The following CA3 variants were observed in gnomAD, a reference collection of about 807,000 sequenced individuals.
CA3 encodes CA-III.
CA3 carries 30 observed loss-of-function variants against 35.7 expected under a neutral mutation model. That is an observed-to-expected ratio of 0.84 (90% CI 0.63 to 1.14). The LOEUF (loss-of-function observed/expected upper bound fraction) is 1.14. Among genes scored for constraint, CA3 ranks in the 50% most tolerant of loss-of-function variants. CA3 has a pLI of 0.00. For synonymous variants in CA3, 131 were observed against 130.8 expected (o/e 1.00, Z -0.01); for missense variants, 295 against 328.5 (o/e 0.90, Z 0.79).
At chr8:85,447,918 A>G in intron 6 of CA3, 116 bp from the exon 7 acceptor site, 1 of 997,898 alleles carries the variant, frequency 1.0e-6, no homozygotes, top group Non-Finnish European at 1.4e-6. Context: ...CAAACAAACA[A>G]ACAAACAAAA....
At chr8:85,441,012 G>T (rs535911398) in intron 2 of CA3, among the ~76,000 whole-genome samples, 1 of 152,208 alleles carries the variant, frequency 6.6e-6, no homozygotes, top group East Asian at 1.9e-4. Context: ...TAATAAATTG[G>T]ACTCACATGT....
At chr8:85,440,525 G>T (rs916122874) in intron 2 of CA3, among the ~76,000 whole-genome samples, 2 of 152,130 alleles carry the variant, frequency 1.3e-5, no homozygotes, top group African/African-American at 4.8e-5. Flanking sequence ...GACAGCGACT[G>T]AAAAATACAT....
intron 1 of CA3, among the ~76,000 whole-genome samples, 163 bp downstream of exon 1, chr8:85,439,106 CT>C (rs1313606291): frequency 1.3e-5 from 2 of 152,358 alleles, no homozygotes; most frequent in African/African-American, 4.8e-5. Flanking sequence ...GCTGCTGCTT[CT>C]TTTTTTCCTT....
At chr8:85,444,336 C>G (rs969955115) in intron 4 of CA3, among the ~76,000 whole-genome samples, 28 of 151,920 alleles carry the variant, frequency 1.8e-4, no homozygotes, top group African/African-American at 5.8e-4. Flanking sequence ...TCCAGGACCC[C>G]TAGCACTTCT....
At chr8:85,439,027 G>C in intron 1 of CA3, 84 bp downstream of exon 1, 1 of 1,355,250 alleles carries the variant, frequency 7.4e-7, no homozygotes, top group Non-Finnish European at 1.0e-6. Context: ...GGCAACTTTA[G>C]AGACTGCAGT....
chr8:85,442,163 C>T lies in CA3; in HGVS notation c.323C>T (p.Thr108Ile). 4 of 1,602,856 alleles carry T rather than the reference C, an allele frequency of 2.5e-6. No individual in the cohort carries two copies. Among genetic ancestry groups the T allele is most frequent in the Non-Finnish European group, 3.4e-6 (4 of 1,169,770 alleles). ...TCGGATGATCATGGCTCTGAGCACA[C>T]CGTGGATGGAGTCAAGTATGCAGCG... ...GSSDDHGSEH[T>I]VDGVKYAAEL... Residue 108 changes from threonine (T) to isoleucine (I), a missense_variant, in exon 3 of 7, where the codon ACC becomes ATC. Transcript: ENST00000285381.
At chr8:85,444,937 G>A (rs1463998084) in intron 4 of CA3, among the ~76,000 whole-genome samples, 1 of 152,174 alleles carries the variant, frequency 6.6e-6, no homozygotes, top group Non-Finnish European at 1.5e-5. Flanking sequence ...GTGTAATTTT[G>A]TGGTCCTGTA....
intron 4 of CA3, among the ~76,000 whole-genome samples, chr8:85,444,552 G>A (rs1472606404): frequency 6.6e-6 from 1 of 152,142 alleles, no homozygotes; most frequent in African/African-American, 2.4e-5. Flanking sequence ...ACATCCCCTC[G>A]GCTTGAGGTG....
chr8:85,442,555 A>G (rs1174382390), intron 3 of CA3: 1 of 187,924 alleles, frequency 5.3e-6, no homozygotes, highest in African/African-American at 2.4e-5. Context: ...TCTACAAAAA[A>G]TACAAAAATT....
chr8:85,448,238 C>G lies in CA3; in HGVS notation c.*85C>G. On this transcript the variant is annotated 3_prime_UTR_variant, in exon 7 of 7. Transcript: ENST00000285381. ...TGCCTCCTTCTGGTGCTCCTTACTC[C>G]AAGTCTATTTCATTTTTCCACACTG... 7.2e-7 allele frequency: 1 copy of G among 1,380,382 alleles called. No individual in the cohort carries two copies. The highest frequency in any genetic ancestry group is 9.8e-7 in the Non-Finnish European group (1 of 1,016,244). The allele number at this position is 1,380,382 out of a possible 1,614,324, so 85.5% of individuals were successfully genotyped here. A position where few individuals can be genotyped will look rare whatever the true frequency, so the allele number is the denominator to read the frequency against.
rs565192163 is a variant in CA3 at position 85,446,963 on chromosome 8, T to A, written c.663+666T>A. Among the ~76,000 whole-genome samples the A allele has an allele frequency of 3.3e-5, 5 of 152,278 alleles. No homozygotes were observed. The South Asian group carries it at 1.0e-3, about 32-fold the overall frequency. On this transcript the variant is annotated intron_variant, in intron 6 of 6. Transcript: ENST00000285381. ...ATGGAGAAAAACAGATTGAAGCAAG[T>A]AAACAACACAGGGACTCACAACCTA...
rs779413229 is a variant in CA3 at position 85,442,164 on chromosome 8, C to T, written c.324C>T (p.Thr108=). 25 of 1,601,894 alleles carry T rather than the reference C, an allele frequency of 1.6e-5. No individual in the cohort carries two copies. Among genetic ancestry groups the T allele is most frequent in the African/African-American group, 1.2e-4 (9 of 74,646 alleles). Reference sequence around the variant, plus strand: ...CGGATGATCATGGCTCTGAGCACACCGTGGATGGAGTCAAGTATGCAGCGG... The same window carrying T: ...CGGATGATCATGGCTCTGAGCACACTGTGGATGGAGTCAAGTATGCAGCGG... ...GSSDDHGSEH[T]VDGVKYAAEL... Residue 108 remains threonine (T), a synonymous_variant, in exon 3 of 7, where the codon ACC becomes ACT. Transcript: ENST00000285381.
In CA3 at chr8:85,439,699, C is replaced by T; in HGVS notation, c.35-13C>T. 7 of 1,602,462 alleles carry T rather than the reference C, an allele frequency of 4.4e-6. No individual in the cohort carries two copies. Among genetic ancestry groups the T allele is most frequent in the Admixed American group, 1.7e-5 (1 of 59,810 alleles). On this transcript the variant is annotated splice_polypyrimidine_tract_variant and intron_variant, in intron 1 of 6. Transcript: ENST00000285381. ...CCACCAAATAAATACATCTCCTCGACTTTATTTCCTAGGTCCTGACCACTG... is the reference window on the plus strand; with the variant it reads ...CCACCAAATAAATACATCTCCTCGATTTTATTTCCTAGGTCCTGACCACTG...
Position 85,448,300 on chromosome 8 carries a change from A to G in CA3, c.*147A>G. The G allele has an allele frequency of 1.4e-6, 1 of 721,186 alleles. No individual in the cohort carries two copies. The highest frequency in any genetic ancestry group is 2.1e-6 in the Non-Finnish European group (1 of 486,748). The allele number at this position is 721,186 out of a possible 1,614,324, so 44.7% of individuals were successfully genotyped here. A position where few individuals can be genotyped will look rare whatever the true frequency, so the allele number is the denominator to read the frequency against. On this transcript the variant is annotated 3_prime_UTR_variant, in exon 7 of 7. Coordinates refer to ENST00000285381, the MANE Select transcript of CA3 (RefSeq NM_005181.4). ...TGAGAGATGTGGTCACCAAGATCTA[A>G]GTTACTTGTTGAAAGAAAGTTACTT...
chr8:85,445,252 A>G (rs774629867), intron 5 of CA3, 34 bp downstream of exon 5: 2 of 1,366,506 alleles, frequency 1.5e-6, no homozygotes, highest in East Asian at 4.6e-5. Flanking sequence ...CTAAAACATA[A>G]AGCAGATTAT....
chr8:85,443,516 A>T (rs1310957497), intron 3 of CA3, among the ~76,000 whole-genome samples: 1 of 152,196 alleles, frequency 6.6e-6, no homozygotes, highest in African/African-American at 2.4e-5. Context: ...GTTTCTTTAC[A>T]GCCAATCTAG....
At chr8:85,446,927 T>C (rs761977517) in intron 6 of CA3, among the ~76,000 whole-genome samples, 1 of 152,094 alleles carries the variant, frequency 6.6e-6, no homozygotes, top group Admixed American at 6.5e-5. Flanking sequence ...AGAAAATAAG[T>C]GGGCAAGAAC....
chr8:85,443,953 G>T, intron 3 of CA3, 81 bp from the exon 4 acceptor site: 3 of 986,096 alleles, frequency 3.0e-6, no homozygotes, highest in East Asian at 2.4e-5. Flanking sequence ...CCTGTACAAT[G>T]ATTGGGTTTA....
At chr8:85,448,003 CTTG>C in intron 6 of CA3, 28 bp from the exon 7 acceptor site, 1 of 1,597,014 alleles carries the variant, frequency 6.3e-7, no homozygotes, top group Non-Finnish European at 8.5e-7. Context: ...ATCCGAATGT[CTTG>C]TTAACAGTCT....
Sources: allele counts gnomAD v4.1 joint callset (sites outside exome capture counted in the v4.1 genomes callset), GRCh38; gene constraint gnomAD v4.1.1; transcripts MANE v1.5; gene names NCBI Gene and HGNC (gene_info 2026-07-23, HGNC 2026-07-21).